NECAB1: variants seen among roughly 807,000 people sequenced by gnomAD.
NECAB1 encodes N-terminal EF-hand calcium-binding protein 1.
NECAB1 carries 29 observed loss-of-function variants against 57.5 expected under a neutral mutation model. The observed-to-expected ratio is 0.50, with a 90% CI of 0.38 to 0.69. The LOEUF is 0.69. Among genes scored for constraint, NECAB1 ranks in the 30% least tolerant of loss-of-function variants. The probability of loss-of-function intolerance (pLI) is 0.00; values close to 1 mark genes in which losing one functional copy is unlikely to be tolerated. For synonymous variants in NECAB1, 142 were observed against 147.7 expected, an observed-to-expected ratio of 0.96 and a Z score of 0.28; for missense variants, 372 against 413.8, an observed-to-expected ratio of 0.90 and a Z score of 0.88.
intron 5 of NECAB1, among the ~76,000 whole-genome samples, chr8:90,897,337 T>A (rs1809381048): frequency 6.6e-6 from 1 of 152,196 alleles, no homozygotes; most frequent in Non-Finnish European, 1.5e-5. Context: ...TAGCAAAATC[T>A]ATTTTAATAT....
chr8:90,894,306 T>C (rs1809270209), intron 5 of NECAB1, among the ~76,000 whole-genome samples: 1 of 152,210 alleles, frequency 6.6e-6, no homozygotes, highest in Non-Finnish European at 1.5e-5. Flanking sequence ...TCCTTGTTAA[T>C]TCTGCCTTTG....
intron 2 of NECAB1, among the ~76,000 whole-genome samples, chr8:90,811,433 A>T (rs947393499): frequency 6.6e-6 from 1 of 152,220 alleles, no homozygotes; most frequent in African/African-American, 2.4e-5. Flanking sequence ...CTGGGATAGG[A>T]TGGCCTAGGA....
chr8:90,806,632 G>C (rs1811851366), intron 2 of NECAB1: 2 of 152,198 alleles, frequency 1.3e-5, no homozygotes, highest in South Asian at 4.1e-4. Context: ...CGAGAACATA[G>C]GCTTTGAGGT....
At chr8:90,872,931 T>C (rs1198510979) in intron 4 of NECAB1, among the ~76,000 whole-genome samples, 1 of 152,222 alleles carries the variant, frequency 6.6e-6, no homozygotes. Context: ...GAACTCCTCA[T>C]TGAAACTATC....
chr8:90,814,507 A>T (rs983196306), intron 2 of NECAB1, among the ~76,000 whole-genome samples: 1 of 152,188 alleles, frequency 6.6e-6, no homozygotes, highest in South Asian at 2.1e-4. Flanking sequence ...ACCCTTCTGC[A>T]TGGGAGATTT....
intron 9 of NECAB1, among the ~76,000 whole-genome samples, chr8:90,935,389 T>C (rs1810511408): frequency 6.6e-6 from 1 of 152,186 alleles, no homozygotes; most frequent in South Asian, 2.1e-4. Flanking sequence ...AAGCTAGATT[T>C]GTCACTGCAT....
intron 9 of NECAB1, among the ~76,000 whole-genome samples, chr8:90,936,559 T>G (rs1810544046): frequency 6.6e-6 from 1 of 152,162 alleles, no homozygotes; most frequent in South Asian, 2.1e-4. Context: ...GCTCTAACAT[T>G]TTCAGCCTAA....
At chr8:90,830,690 A>T (rs1378898976) in intron 3 of NECAB1, among the ~76,000 whole-genome samples, 2 of 152,142 alleles carry the variant, frequency 1.3e-5, no homozygotes, top group Non-Finnish European at 2.9e-5. Flanking sequence ...ATCTTTGTCC[A>T]GGCTTTAAGT....
intron 5 of NECAB1, among the ~76,000 whole-genome samples, chr8:90,902,175 T>G (rs1424202441): frequency 3.9e-5 from 6 of 152,308 alleles, no homozygotes; most frequent in Non-Finnish European, 2.9e-5. Context: ...ATCCCAGCAC[T>G]TTGGGAGGCC....
At chr8:90,866,761 T>C (rs1047653523) in intron 3 of NECAB1, among the ~76,000 whole-genome samples, 1 of 152,142 alleles carries the variant, frequency 6.6e-6, no homozygotes, top group Admixed American at 6.5e-5. Flanking sequence ...CAGAAGATGC[T>C]GGAGAGGATT....
intron 5 of NECAB1, among the ~76,000 whole-genome samples, chr8:90,885,306 G>A (rs932555756): frequency 6.6e-6 from 1 of 152,142 alleles, no homozygotes; most frequent in African/African-American, 2.4e-5. Flanking sequence ...ACTTGCACTG[G>A]CACCTACCTG....
intron 3 of NECAB1, among the ~76,000 whole-genome samples, chr8:90,840,345 A>G (rs922548598): frequency 2.0e-5 from 3 of 152,232 alleles, no homozygotes; most frequent in Non-Finnish European, 4.4e-5. Context: ...CAACAGATCT[A>G]TGATTGACCA....
intron 10 of NECAB1, among the ~76,000 whole-genome samples, chr8:90,946,813 C>T (rs1810814046): frequency 6.6e-6 from 1 of 152,196 alleles, no homozygotes; most frequent in Non-Finnish European, 1.5e-5. Context: ...ATGGTCATTG[C>T]TGGCCACTGG....
intron 2 of NECAB1, chr8:90,806,552 C>T (rs1047490972): frequency 2.6e-5 from 4 of 152,138 alleles, no homozygotes; most frequent in African/African-American, 9.7e-5. Flanking sequence ...GAGTCCTACC[C>T]TCTGTGATTT....
intron 3 of NECAB1, among the ~76,000 whole-genome samples, chr8:90,869,491 G>A (rs2129838455): frequency 6.6e-6 from 1 of 152,334 alleles, no homozygotes; most frequent in Non-Finnish European, 1.5e-5. Flanking sequence ...AGCTGTCCAA[G>A]GCCTTGGGAG....
chr8:90,928,168 T>G, intron 7 of NECAB1, 55 bp from the exon 8 acceptor site: 1 of 1,331,646 alleles, frequency 7.5e-7, no homozygotes. Flanking sequence ...TAACCAAGCA[T>G]TTCTTCTCTG....
intron 6 of NECAB1, among the ~76,000 whole-genome samples, chr8:90,923,305 C>A (rs1372689654): frequency 6.6e-6 from 1 of 152,210 alleles, no homozygotes; most frequent in East Asian, 1.9e-4. Context: ...AAAGGAGATA[C>A]TAACTGAAAG....
rs200665502 is a variant in NECAB1, at chr8:90,835,013, G to A, written c.233+10188G>A. Among the ~76,000 whole-genome samples the A allele has an allele frequency of 2.1e-3, 315 of 147,104 alleles. 1 individual carries two copies. Among genetic ancestry groups the A allele is most frequent in the African/African-American group, 7.0e-3 (277 of 39,600 alleles). On this transcript the variant is annotated intron_variant, in intron 3 of 12. Coordinates refer to ENST00000417640, the MANE Select transcript of NECAB1 (RefSeq NM_022351.5). ...TTTTTTTTTTTTTAAAAAAGAGCCCGCATCGACTTTCTTTATTAGTTTAAA... is the reference window on the plus strand; with the variant it reads ...TTTTTTTTTTTTTAAAAAAGAGCCCACATCGACTTTCTTTATTAGTTTAAA...
rs71771328 is a variant in NECAB1 at position 90,947,303 on chromosome 8, TACACACACAC to T, written c.861-2464_861-2455del. 7.8e-4 allele frequency among the ~76,000 whole-genome samples: 61 copies of T among 78,298 alleles called. 3 individuals carry two copies. The South Asian group carries it at 0.02, about 25-fold the overall frequency. The allele number at this position is 78,298 out of a possible 152,430, so 51.4% of individuals were successfully genotyped here. Reference sequence around the variant, plus strand: ...TTTTAGCTATTGGGCTAACAACACATACACACACACACACACACACACACACACACACACA... The same window carrying T: ...TTTTAGCTATTGGGCTAACAACACATACACACACACACACACACACACACA... On this transcript the variant is annotated intron_variant, in intron 10 of 12. Transcript: ENST00000417640.
Sources: gnomAD v4.1 joint callset for allele counts (sites outside exome capture counted in the v4.1 genomes callset) on GRCh38, gnomAD v4.1.1 for gene constraint, MANE v1.5 for transcripts, NCBI Gene and HGNC (gene_info 2026-07-23, HGNC 2026-07-21) for gene names.